DTNB: variants seen among roughly 807,000 people sequenced by gnomAD.
DTNB encodes dystrobrevin beta, also known as DTN-B.
Under a neutral mutation model 90.7 loss-of-function variants are expected in DTNB, and 63 were observed. The ratio of observed to expected loss-of-function variants is 0.69; its 90% confidence interval spans 0.57 to 0.86. The LOEUF (loss-of-function observed/expected upper bound fraction) is 0.86, where lower values mean the gene tolerates loss of function less well. Among genes scored for constraint, DTNB ranks in the 40% least tolerant of loss-of-function variants. The pLI is 0.00. For missense variants in DTNB, 744 were observed against 807.1 expected, an observed-to-expected ratio of 0.92 and a Z score of 0.95; for synonymous variants, 277 against 286.7, an observed-to-expected ratio of 0.97 and a Z score of 0.34.
intron 6 of DTNB, 132 bp downstream of exon 6, chr2:25,595,954 A>T: frequency 1.3e-6 from 1 of 751,948 alleles, no homozygotes. Context: ...TCCACTCCCC[A>T]CCACCTTTAA....
chr2:25,592,060 CAAAAAAAAAA>C (rs1162292627), intron 6 of DTNB, among the ~76,000 whole-genome samples: 1 of 48,996 alleles, frequency 2.0e-5, no homozygotes, highest in South Asian at 7.7e-4. Context: ...GACTCCATCT[CAAAAAAAAAA>C]AAAAAAAAAA....
intron 2 of DTNB, among the ~76,000 whole-genome samples, chr2:25,650,412 G>T (rs1269780797): frequency 4.6e-5 from 7 of 152,156 alleles, no homozygotes; most frequent in Non-Finnish European, 1.5e-5. Context: ...AGTTTTGAAG[G>T]GTAGGCAGAA....
chr2:25,503,604 A>C (rs2071423455), intron 9 of DTNB, among the ~76,000 whole-genome samples: 1 of 152,190 alleles, frequency 6.6e-6, no homozygotes, highest in African/African-American at 2.4e-5. Flanking sequence ...AGATATTAAC[A>C]GTGATCTGAA....
chr2:25,583,832 T>G (rs150982768), intron 6 of DTNB, among the ~76,000 whole-genome samples: 291 of 152,262 alleles, frequency 1.9e-3, no homozygotes, highest in Non-Finnish European at 3.0e-3. Context: ...GAGTTTTTTT[T>G]TTTTAATCTT....
At chr2:25,500,978 C>T (rs2070498482) in intron 9 of DTNB, among the ~76,000 whole-genome samples, 1 of 152,140 alleles carries the variant, frequency 6.6e-6, no homozygotes, top group Non-Finnish European at 1.5e-5. Flanking sequence ...CCCCATGGGG[C>T]CCCCCGAAAA....
At chr2:25,610,591 G>A (rs2068351142) in intron 4 of DTNB, among the ~76,000 whole-genome samples, 1 of 152,096 alleles carries the variant, frequency 6.6e-6, no homozygotes, top group African/African-American at 2.4e-5. Context: ...AAAGTTCACT[G>A]AATGAACTTT....
At chr2:25,560,192 G>A (rs1454578139) in intron 8 of DTNB, among the ~76,000 whole-genome samples, 3 of 152,236 alleles carry the variant, frequency 2.0e-5, no homozygotes, top group African/African-American at 7.2e-5. Context: ...GCGGTGAGCT[G>A]AGATTGTGCC....
At chr2:25,560,181 T>C (rs1460461914) in intron 8 of DTNB, among the ~76,000 whole-genome samples, 1 of 152,192 alleles carries the variant, frequency 6.6e-6, no homozygotes, top group Non-Finnish European at 1.5e-5. Context: ...CCTGGGAGGT[T>C]GCGGTGAGCT....
intron 9 of DTNB, among the ~76,000 whole-genome samples, chr2:25,509,407 T>C (rs1283507314): frequency 6.6e-6 from 1 of 152,226 alleles, no homozygotes; most frequent in East Asian, 1.9e-4. Flanking sequence ...CTAAGATCAT[T>C]TTCCTTCTCC....
intron 12 of DTNB, among the ~76,000 whole-genome samples, chr2:25,449,895 TGGGACTACA>T (rs763694312): frequency 1.3e-4 from 20 of 151,978 alleles, no homozygotes; most frequent in African/African-American, 1.9e-4. Context: ...CCCAAGTAGC[TGGGACTACA>T]GGCGCACACT....
At chr2:25,588,975 A>G (rs1045745579) in intron 6 of DTNB, among the ~76,000 whole-genome samples, 1 of 152,226 alleles carries the variant, frequency 6.6e-6, no homozygotes, top group Non-Finnish European at 1.5e-5. Flanking sequence ...GAAATAACAA[A>G]TATAGATACA....
chr2:25,418,457 T>C (rs1379615229), intron 16 of DTNB, among the ~76,000 whole-genome samples: 1 of 152,166 alleles, frequency 6.6e-6, no homozygotes, highest in Non-Finnish European at 1.5e-5. Flanking sequence ...TCCCAGCACT[T>C]TGGGAGGCTG....
intron 8 of DTNB, among the ~76,000 whole-genome samples, chr2:25,544,815 T>C (rs1250422984): frequency 6.6e-6 from 1 of 152,252 alleles, no homozygotes; most frequent in Non-Finnish European, 1.5e-5. Flanking sequence ...CTTAAAGTCA[T>C]CCACATTTAT....
chr2:25,385,898 C>G (rs1643979651), intron 18 of DTNB: 2 of 488,358 alleles, frequency 4.1e-6, no homozygotes, highest in Non-Finnish European at 2.7e-6. Context: ...TGCATAAACT[C>G]TAATAAGTGG....
intron 4 of DTNB, among the ~76,000 whole-genome samples, chr2:25,622,651 G>C (rs1000908428): frequency 6.6e-6 from 1 of 152,068 alleles, no homozygotes; most frequent in African/African-American, 2.4e-5. Context: ...ATGCATGCAT[G>C]TGAACACTCT....
chr2:25,576,664 TA>T, intron 8 of DTNB, 173 bp downstream of exon 8: 1 of 817,764 alleles, frequency 1.2e-6, no homozygotes, highest in South Asian at 2.9e-5. Flanking sequence ...ATTCTGCTTT[TA>T]AAATCAAGTG....
intron 8 of DTNB, among the ~76,000 whole-genome samples, chr2:25,554,787 C>T (rs1238927394): frequency 6.6e-6 from 1 of 152,138 alleles, no homozygotes; most frequent in Admixed American, 6.5e-5. Context: ...AGGGTACATG[C>T]ACCATGATGC....
At chr2:25,605,205 A>G (rs75548647) in intron 5 of DTNB, among the ~76,000 whole-genome samples, 16 of 152,246 alleles carry the variant, frequency 1.1e-4, no homozygotes, top group Non-Finnish European at 1.5e-5. Flanking sequence ...GAGAAACTAT[A>G]ATTTTTAGCA....
intron 2 of DTNB, among the ~76,000 whole-genome samples, chr2:25,643,886 A>C (rs939034729): frequency 1.3e-5 from 2 of 152,216 alleles, no homozygotes; most frequent in Non-Finnish European, 2.9e-5. Flanking sequence ...GGTCAGCCCA[A>C]GATACAGGTC....
Sources: allele counts gnomAD v4.1 joint callset (sites outside exome capture counted in the v4.1 genomes callset), GRCh38; gene constraint gnomAD v4.1.1; transcripts MANE v1.5; gene names NCBI Gene and HGNC (gene_info 2026-07-23, HGNC 2026-07-21).